SUCLG2: variants seen among roughly 807,000 people sequenced by gnomAD.
The protein encoded by SUCLG2 is succinate--CoA ligase [GDP-forming] subunit beta, mitochondrial.
In SUCLG2, 42 loss-of-function variants were observed where a neutral mutation model predicts 47.9. That is an observed-to-expected ratio of 0.88 (90% CI 0.69 to 1.14). The LOEUF (loss-of-function observed/expected upper bound fraction) is 1.14. Ranked by LOEUF, SUCLG2 falls within the 50% of genes most tolerant of loss-of-function variation. SUCLG2 has a pLI of 0.00. For synonymous variants in SUCLG2, 195 were observed against 197.3 expected, an observed-to-expected ratio of 0.99 and a Z score of 0.10; for missense variants, 571 against 525.9, an observed-to-expected ratio of 1.09 and a Z score of -0.84.
intron 1 of SUCLG2, among the ~76,000 whole-genome samples, chr3:67,624,618 C>T (rs1035824833): frequency 6.6e-6 from 1 of 152,152 alleles, no homozygotes; most frequent in Non-Finnish European, 1.5e-5. Context: ...CCAAATTTTT[C>T]CATCTATGTT....
chr3:67,527,865 T>A (rs1170758398), intron 4 of SUCLG2, among the ~76,000 whole-genome samples: 1 of 152,218 alleles, frequency 6.6e-6, no homozygotes, highest in Non-Finnish European at 1.5e-5. Flanking sequence ...ATCTGTGTTC[T>A]CAGAGGGAAA....
chr3:67,408,189 T>C (rs28420787), intron 9 of SUCLG2, among the ~76,000 whole-genome samples: 12,351 of 152,204 alleles, frequency 0.081, 613 homozygotes, highest in African/African-American at 0.13. Flanking sequence ...TCTTGGAGTT[T>C]GAAATTATTT....
Position 67,380,164 on chromosome 3 carries a change from G to T in SUCLG2, c.1184-4305C>A, listed in dbSNP as rs891421811. Among the ~76,000 whole-genome samples the T allele has an allele frequency of 1.7e-4, 21 of 127,010 alleles. No homozygotes were observed. The South Asian group carries it at 3.1e-3, about 19-fold the overall frequency. The allele number at this position is 127,010 out of a possible 152,430, so 83.3% of individuals were successfully genotyped here. A position where few individuals can be genotyped will look rare whatever the true frequency, so the allele number is the denominator to read the frequency against. On this transcript the variant is annotated intron_variant, in intron 10 of 10. Coordinates refer to ENST00000307227, the MANE Select transcript of SUCLG2 (RefSeq NM_003848.4). ...AACTGCTCAAGGTGCAATCAGGAGG[G>T]ATTTTTTTTTTTTTTTTGGAGTCCT...
At chr3:67,431,861 T>C (rs976284406) in intron 9 of SUCLG2, among the ~76,000 whole-genome samples, 2 of 152,288 alleles carry the variant, frequency 1.3e-5, no homozygotes, top group South Asian at 4.1e-4. Flanking sequence ...GTTGTGCACA[T>C]GTACCCTAGA....
downstream of SUCLG2, among the ~76,000 whole-genome samples, chr3:67,370,895 G>A (rs1472957756): frequency 1.3e-5 from 2 of 152,028 alleles, no homozygotes; most frequent in South Asian, 2.1e-4. Flanking sequence ...TATTTAAAAC[G>A]ATTTATCATT....
chr3:67,399,564 C>T (rs535307468), intron 10 of SUCLG2, among the ~76,000 whole-genome samples: 17 of 152,196 alleles, frequency 1.1e-4, no homozygotes, highest in Non-Finnish European at 2.2e-4. Context: ...GTGAACTTGA[C>T]AGCTTCCTAC....
At chr3:67,367,786 C>T (rs1701895304) in intron 10 of SUCLG2, among the ~76,000 whole-genome samples, 1 of 152,106 alleles carries the variant, frequency 6.6e-6, no homozygotes, top group Non-Finnish European at 1.5e-5. Context: ...AACAAAGTCA[C>T]CCATTTTTCT....
chr3:67,622,339 C>T (rs1014227344), intron 1 of SUCLG2, among the ~76,000 whole-genome samples: 5 of 152,140 alleles, frequency 3.3e-5, no homozygotes, highest in Non-Finnish European at 7.3e-5. Flanking sequence ...AAGATACATA[C>T]ATAGATATAT....
intron 9 of SUCLG2, among the ~76,000 whole-genome samples, chr3:67,443,966 G>T (rs1216589033): frequency 8.4e-6 from 1 of 119,698 alleles, no homozygotes; most frequent in Non-Finnish European, 1.9e-5. Flanking sequence ...AGGTGGGGGG[G>T]GGTCAGCCCC....
At chr3:67,608,924 T>TGAGG (rs1700477571) in intron 2 of SUCLG2, among the ~76,000 whole-genome samples, 1 of 152,052 alleles carries the variant, frequency 6.6e-6, no homozygotes, top group Non-Finnish European at 1.5e-5. Flanking sequence ...TGATCCTCCC[T>TGAGG]CCTCAGCCTC....
chr3:67,539,148 G>T (rs1706630084), intron 2 of SUCLG2, among the ~76,000 whole-genome samples: 1 of 152,154 alleles, frequency 6.6e-6, no homozygotes, highest in Admixed American at 6.5e-5. Context: ...ATTTTCAAAG[G>T]AAATGCTTCC....
intron 10 of SUCLG2, among the ~76,000 whole-genome samples, chr3:67,362,000 C>T (rs1157180308): frequency 2.6e-5 from 4 of 152,160 alleles, no homozygotes; most frequent in African/African-American, 7.2e-5. Flanking sequence ...AGCTGGTTCC[C>T]AGACATGTGA....
intron 2 of SUCLG2, among the ~76,000 whole-genome samples, chr3:67,530,191 C>T (rs932407119): frequency 6.6e-6 from 1 of 152,118 alleles, no homozygotes; most frequent in Non-Finnish European, 1.5e-5. Context: ...TTCAATCTGG[C>T]CTTCATCCCT....
intron 2 of SUCLG2, among the ~76,000 whole-genome samples, chr3:67,576,924 A>AT (rs34235132): frequency 0.68 from 102,514 of 151,320 alleles, 37,134 homozygotes; most frequent in Non-Finnish European, 0.81. Context: ...TTTTTATTTT[A>AT]TTTTTTTTTA....
chr3:67,421,267 T>G (rs1298633568), intron 9 of SUCLG2, among the ~76,000 whole-genome samples: 1 of 152,176 alleles, frequency 6.6e-6, no homozygotes, highest in Non-Finnish European at 1.5e-5. Context: ...AAAGACCCAC[T>G]GTCCTACCAC....
intron 1 of SUCLG2, among the ~76,000 whole-genome samples, chr3:67,652,931 C>T (rs1193113780): frequency 6.6e-6 from 1 of 152,210 alleles, no homozygotes; most frequent in Non-Finnish European, 1.5e-5. Flanking sequence ...TAAGAATTTA[C>T]AGAAAAACAC....
At chr3:67,497,039 T>C (rs970717650) in intron 8 of SUCLG2, among the ~76,000 whole-genome samples, 15 of 152,202 alleles carry the variant, frequency 9.9e-5, no homozygotes, top group African/African-American at 3.6e-4. Flanking sequence ...CTGTATTTAA[T>C]TTGGTTTAAA....
intron 1 of SUCLG2, among the ~76,000 whole-genome samples, chr3:67,612,517 T>C (rs1447654402): frequency 6.7e-6 from 1 of 148,604 alleles, no homozygotes; most frequent in Non-Finnish European, 1.5e-5. Flanking sequence ...ATAATAACAA[T>C]AATAGTTCCA....
chr3:67,444,015 G>A (rs1703850066), intron 9 of SUCLG2, among the ~76,000 whole-genome samples: 1 of 125,320 alleles, frequency 8.0e-6, no homozygotes. Flanking sequence ...GGAGGTGGGG[G>A]GGTCAGCCCC....
Sources: gnomAD v4.1 joint callset for allele counts (sites outside exome capture counted in the v4.1 genomes callset) on GRCh38, gnomAD v4.1.1 for gene constraint, MANE v1.5 for transcripts, NCBI Gene and HGNC (gene_info 2026-07-23, HGNC 2026-07-21) for gene names.